The following ADCY8 variants were observed in gnomAD, a reference collection of about 807,000 sequenced individuals.
ADCY8 encodes adenylate cyclase 8, also known as adenylate cyclase type 8.
In ADCY8, 51 loss-of-function variants were observed where a neutral mutation model predicts 119.7. That is an observed-to-expected ratio of 0.43 (90% CI 0.34 to 0.54). The LOEUF (loss-of-function observed/expected upper bound fraction) is 0.54, where lower values mean the gene tolerates loss of function less well. ADCY8 is among the 20% of genes least tolerant of loss of function. ADCY8 has a pLI of 0.03. For synonymous variants in ADCY8, 665 were observed against 651.0 expected (o/e 1.02, Z -0.33); for missense variants, 1,383 against 1,598.8 (o/e 0.87, Z 2.30).
intron 1 of ADCY8, among the ~76,000 whole-genome samples, chr8:131,029,698 T>C (rs537253983): frequency 4.2e-4 from 64 of 152,368 alleles, no homozygotes; most frequent in African/African-American, 1.5e-3. Context: ...TACATGTATA[T>C]GAATATGTAT....
intron 2 of ADCY8, among the ~76,000 whole-genome samples, chr8:130,975,298 C>A (rs1822038393): frequency 6.6e-6 from 1 of 152,148 alleles, no homozygotes; most frequent in South Asian, 2.1e-4. Flanking sequence ...CACTCCATAC[C>A]CAAAGAACAT....
chr8:130,846,895 CCTTCCTT>C (rs1209646601), intron 11 of ADCY8, among the ~76,000 whole-genome samples: 1 of 59,132 alleles, frequency 1.7e-5, no homozygotes, highest in Non-Finnish European at 3.6e-5. Context: ...CCCTTTCCTT[CCTTCCTT>C]CCTTCCTTCC....
chr8:131,021,821 G>C (rs1823678820), intron 1 of ADCY8, among the ~76,000 whole-genome samples: 1 of 152,148 alleles, frequency 6.6e-6, no homozygotes, highest in African/African-American at 2.4e-5. Context: ...AGTCAATTAA[G>C]TCTCCTTCCT....
At chr8:130,969,953 T>C (rs113188895) in intron 2 of ADCY8, among the ~76,000 whole-genome samples, 2,644 of 152,334 alleles carry the variant, frequency 0.017, 80 homozygotes, top group African/African-American at 0.059. Flanking sequence ...TTTTTGTATC[T>C]TAATATATTT....
intron 2 of ADCY8, among the ~76,000 whole-genome samples, chr8:130,957,711 C>T (rs1586605680): frequency 6.6e-6 from 1 of 152,304 alleles, no homozygotes; most frequent in African/African-American, 2.4e-5. Flanking sequence ...GGACTTGGTG[C>T]CCTGTGTCCC....
At chr8:130,919,771 G>T (rs553506495) in intron 5 of ADCY8, among the ~76,000 whole-genome samples, 4 of 152,212 alleles carry the variant, frequency 2.6e-5, no homozygotes, top group Middle Eastern at 3.4e-3. Context: ...ACTTCCCTCT[G>T]TATGGAACAG....
At chr8:130,798,593 T>G (rs7015079) in intron 15 of ADCY8, among the ~76,000 whole-genome samples, 115,300 of 152,042 alleles carry the variant, frequency 0.76, 44,190 homozygotes, top group African/African-American at 0.86. Flanking sequence ...GCCACTGAAG[T>G]GTTTAGGCTT....
In ADCY8 at chr8:130,972,157, C is replaced by T. The variant is rs183409789; in HGVS notation, c.1110+18236G>A. Among the ~76,000 whole-genome samples, 343 of 152,250 alleles carry T rather than the reference C, an allele frequency of 2.3e-3. 2 individuals are homozygous for T. Among genetic ancestry groups the T allele is most frequent in the African/African-American group, 8.0e-3 (331 of 41,550 alleles). On this transcript the variant is annotated intron_variant, in intron 2 of 17. Transcript: ENST00000286355. Reference sequence around the variant, plus strand: ...ATTATTTCAATAATAAAGCAAAAGCCCAAGAGAGAATAGCAATCATTTTGA... The same window carrying T: ...ATTATTTCAATAATAAAGCAAAAGCTCAAGAGAGAATAGCAATCATTTTGA...
intron 5 of ADCY8, among the ~76,000 whole-genome samples, chr8:130,931,527 GC>G (rs1820629237): frequency 6.6e-6 from 1 of 152,074 alleles, no homozygotes; most frequent in Non-Finnish European, 1.5e-5. Flanking sequence ...GTTTAAATAA[GC>G]TTTCTACCCC....
chr8:130,969,003 C>T (rs999282775), intron 2 of ADCY8, among the ~76,000 whole-genome samples: 14 of 152,116 alleles, frequency 9.2e-5, no homozygotes, highest in Non-Finnish European at 1.6e-4. Flanking sequence ...TCTATCAAGA[C>T]GCAGAAAACA....
At chr8:130,809,954 G>A (rs182467858) in intron 14 of ADCY8, among the ~76,000 whole-genome samples, 74 of 152,304 alleles carry the variant, frequency 4.9e-4, no homozygotes, top group African/African-American at 1.6e-3. Context: ...CTTTGAGTGC[G>A]GTCTGTGGAA....
At chr8:130,891,755 C>T (rs955961431) in intron 7 of ADCY8, among the ~76,000 whole-genome samples, 1 of 151,910 alleles carries the variant, frequency 6.6e-6, no homozygotes, top group African/African-American at 2.4e-5. Flanking sequence ...CTTGGGGAGC[C>T]CTTGATAAAA....
chr8:130,835,407 A>G (rs1209114270), intron 12 of ADCY8, among the ~76,000 whole-genome samples: 1 of 152,036 alleles, frequency 6.6e-6, no homozygotes, highest in African/African-American at 2.4e-5. Flanking sequence ...CTGCGAGTGG[A>G]TTTTCCAAGG....
chr8:131,006,939 CTGCAATGG>C (rs1320431764), intron 1 of ADCY8, among the ~76,000 whole-genome samples: 1 of 152,088 alleles, frequency 6.6e-6, no homozygotes, highest in Non-Finnish European at 1.5e-5. Flanking sequence ...CATGACTTAT[CTGCAATGG>C]ATGTATATGA....
intron 5 of ADCY8, among the ~76,000 whole-genome samples, chr8:130,920,104 CTG>C (rs1403634771): frequency 7.3e-6 from 1 of 136,784 alleles, no homozygotes; most frequent in Non-Finnish European, 1.5e-5. Context: ...GATTGCACCA[CTG>C]TGCTTTAGCC....
chr8:130,797,368 C>T (rs1407118347), intron 15 of ADCY8, among the ~76,000 whole-genome samples: 1 of 152,178 alleles, frequency 6.6e-6, no homozygotes, highest in East Asian at 1.9e-4. Context: ...TAAAATACAA[C>T]AAAGCCTGAC....
intron 7 of ADCY8, among the ~76,000 whole-genome samples, chr8:130,900,168 G>A (rs1348730194): frequency 6.6e-6 from 1 of 152,134 alleles, no homozygotes; most frequent in African/African-American, 2.4e-5. Context: ...GGGTGTTCAG[G>A]ATGTCCAAGA....
chr8:130,971,611 G>A (rs917237721), intron 2 of ADCY8, among the ~76,000 whole-genome samples: 5 of 152,194 alleles, frequency 3.3e-5, no homozygotes, highest in African/African-American at 4.8e-5. Flanking sequence ...AAGGATAACT[G>A]AGTGTGATAA....
At chr8:130,802,669 T>C (rs1815818745) in intron 14 of ADCY8, among the ~76,000 whole-genome samples, 1 of 152,232 alleles carries the variant, frequency 6.6e-6, no homozygotes, top group South Asian at 2.1e-4. Context: ...TTTGTACTTC[T>C]GTGTGCATGT....
Sources: allele counts gnomAD v4.1 joint callset (sites outside exome capture counted in the v4.1 genomes callset), GRCh38; gene constraint gnomAD v4.1.1; transcripts MANE v1.5; gene names NCBI Gene and HGNC (gene_info 2026-07-23, HGNC 2026-07-21).